Variants in FNDC3B observed in about 807,000 individuals in gnomAD.
The protein encoded by FNDC3B is fibronectin type III domain containing 3B, also known as fibronectin type III domain-containing protein 3B.
A neutral mutation model predicts 151.5 loss-of-function variants in FNDC3B; 12 were observed. That is an observed-to-expected ratio of 0.08 (90% CI 0.05 to 0.13). The LOEUF (loss-of-function observed/expected upper bound fraction) is 0.13, where lower values mean the gene tolerates loss of function less well. Among genes scored for constraint, FNDC3B ranks in the 10% least tolerant of loss-of-function variants. The probability of loss-of-function intolerance (pLI) is 1.00; values close to 1 mark genes in which losing one functional copy is unlikely to be tolerated. For synonymous variants in FNDC3B, 528 were observed against 549.0 expected, an observed-to-expected ratio of 0.96 and a Z score of 0.54; for missense variants, 1,214 against 1,505.3, an observed-to-expected ratio of 0.81 and a Z score of 3.20.
At chr3:172,318,264 G>A (rs1731910165) in intron 11 of FNDC3B, among the ~76,000 whole-genome samples, 1 of 152,208 alleles carries the variant, frequency 6.6e-6, no homozygotes, top group Admixed American at 6.5e-5. Context: ...CATGCCCCTG[G>A]GGAGCCATTA....
chr3:172,364,916 T>C (rs943950061), intron 23 of FNDC3B, among the ~76,000 whole-genome samples: 1 of 152,214 alleles, frequency 6.6e-6, no homozygotes, highest in Non-Finnish European at 1.5e-5. Flanking sequence ...TTGTCAGTGC[T>C]CTCAGAAAGT....
At chr3:172,386,099 T>C (rs1312156369) in intron 25 of FNDC3B, among the ~76,000 whole-genome samples, 2 of 152,230 alleles carry the variant, frequency 1.3e-5, no homozygotes, top group South Asian at 4.1e-4. Context: ...TTGGTTTGCC[T>C]TTTGCCATTT....
chr3:172,041,496 T>C (rs1212833155), intron 1 of FNDC3B, among the ~76,000 whole-genome samples: 1 of 151,432 alleles, frequency 6.6e-6, no homozygotes, highest in African/African-American at 2.4e-5. Flanking sequence ...TTCTTCTTTT[T>C]TTTTTTTTTA....
chr3:172,293,911 A>T (rs1235719988), intron 7 of FNDC3B, among the ~76,000 whole-genome samples: 1 of 152,186 alleles, frequency 6.6e-6, no homozygotes, highest in Non-Finnish European at 1.5e-5. Context: ...GGAAGAAGGA[A>T]AAAAAGGGAC....
Position 172,343,094 on chromosome 3 carries a change from C to A in FNDC3B, c.2055C>A (p.His685Gln). Residue 685 changes from histidine to glutamine, a missense_variant, in exon 18 of 26, where the codon CAC becomes CAA. By Grantham distance (24) the His-to-Gln change is conservative. This residue lies in a region of FNDC3B where 380 missense variants were observed against 420.9 expected (regional missense o/e 0.90). Transcript: ENST00000415807. Reference protein sequence around the residue: ...RPPRVLGRPKHKEVHLEWDVP... With the variant: ...RPPRVLGRPKQKEVHLEWDVP... Reference sequence around the variant, plus strand: ...CGAGGGTTTTGGGTAGACCAAAGCACAAAGAAGTCCACTTAGAGTGGGGTG... The same window carrying A: ...CGAGGGTTTTGGGTAGACCAAAGCAAAAAGAAGTCCACTTAGAGTGGGGTG... 1 of 1,603,828 alleles carries A rather than the reference C, an allele frequency of 6.2e-7. No homozygotes were observed. Among genetic ancestry groups the A allele is most frequent in the East Asian group, 2.2e-5 (1 of 44,850 alleles).
At chr3:172,131,155 G>A (rs1721074009) in intron 2 of FNDC3B, among the ~76,000 whole-genome samples, 1 of 152,162 alleles carries the variant, frequency 6.6e-6, no homozygotes, top group South Asian at 2.1e-4. Flanking sequence ...CCAGCACTTT[G>A]GGAGGCCGAG....
chr3:172,193,504 G>A (rs1576785056), intron 3 of FNDC3B, among the ~76,000 whole-genome samples: 1 of 150,640 alleles, frequency 6.6e-6, no homozygotes, highest in Admixed American at 6.6e-5. Context: ...GTTTTGGTGT[G>A]TAGCTCCTAA....
intron 22 of FNDC3B, among the ~76,000 whole-genome samples, chr3:172,361,125 G>A (rs1374540020): frequency 6.6e-6 from 1 of 152,070 alleles, no homozygotes; most frequent in East Asian, 1.9e-4. Flanking sequence ...TGTCTCCAAG[G>A]TTTGTGAAAT....
chr3:172,333,973 G>C (rs1029299261), intron 14 of FNDC3B, among the ~76,000 whole-genome samples: 5 of 150,094 alleles, frequency 3.3e-5, no homozygotes, highest in African/African-American at 1.2e-4. Context: ...AGCCAAAAAA[G>C]TGAATATGAC....
chr3:172,303,100 A>G (rs945560849), intron 9 of FNDC3B: 1 of 152,180 alleles, frequency 6.6e-6, no homozygotes, highest in African/African-American at 2.4e-5. Flanking sequence ...GTATACATAC[A>G]CAAATGTATG....
chr3:172,233,064 C>T (rs896149019), intron 4 of FNDC3B, among the ~76,000 whole-genome samples: 1 of 152,168 alleles, frequency 6.6e-6, no homozygotes, highest in Non-Finnish European at 1.5e-5. Context: ...TGTTTTTTAA[C>T]CTCACCATTA....
chr3:172,052,253 T>G (rs1716698553), intron 1 of FNDC3B, among the ~76,000 whole-genome samples: 1 of 151,508 alleles, frequency 6.6e-6, no homozygotes, highest in African/African-American at 2.4e-5. Context: ...TGGGTTTTTT[T>G]TTTTGGTAGA....
At chr3:172,226,828 T>C (rs772563816) in intron 3 of FNDC3B, 43 bp from the exon 4 acceptor site, 9 of 1,155,400 alleles carry the variant, frequency 7.8e-6, no homozygotes, top group Non-Finnish European at 1.1e-5. Context: ...TTTTGAATAA[T>C]GTATGTTTCT....
At chr3:172,108,054 G>T (rs1719749223) in intron 1 of FNDC3B, among the ~76,000 whole-genome samples, 1 of 152,092 alleles carries the variant, frequency 6.6e-6, no homozygotes, top group Admixed American at 6.5e-5. Context: ...TGTAGTCCCA[G>T]CTACTCGGGA....
intron 1 of FNDC3B, among the ~76,000 whole-genome samples, chr3:172,093,787 C>T (rs1332935916): frequency 2.6e-5 from 4 of 152,148 alleles, no homozygotes; most frequent in African/African-American, 4.8e-5. Flanking sequence ...TGGAGAATTT[C>T]GTGAGAATAC....
At chr3:172,393,150 C>T (rs1736103680) in intron 25 of FNDC3B, among the ~76,000 whole-genome samples, 1 of 151,918 alleles carries the variant, frequency 6.6e-6, no homozygotes, top group Admixed American at 6.6e-5. Flanking sequence ...CAAGAGTCAC[C>T]TCACTTTTAA....
intron 3 of FNDC3B, among the ~76,000 whole-genome samples, chr3:172,161,657 A>C (rs1269105843): frequency 6.6e-6 from 1 of 152,208 alleles, no homozygotes; most frequent in Admixed American, 6.5e-5. Context: ...TTGTGCCTTG[A>C]CTGTGGTAGT....
At chr3:172,353,283 G>A (rs1027048689) in intron 22 of FNDC3B, among the ~76,000 whole-genome samples, 200 bp downstream of exon 22, 3 of 152,170 alleles carry the variant, frequency 2.0e-5, no homozygotes, top group Admixed American at 6.5e-5. Flanking sequence ...TCACTGGACG[G>A]TTTTGTGTCC....
intron 6 of FNDC3B, among the ~76,000 whole-genome samples, chr3:172,255,348 A>C (rs1272072764): frequency 6.6e-6 from 1 of 152,100 alleles, no homozygotes; most frequent in African/African-American, 2.4e-5. Flanking sequence ...AGCTCACTGC[A>C]ACCTCTGCCT....
Sources: allele counts gnomAD v4.1 joint callset (sites outside exome capture counted in the v4.1 genomes callset), GRCh38; gene constraint gnomAD v4.1.1; regional missense constraint gnomAD v4.1.1; transcripts MANE v1.5; gene names NCBI Gene and HGNC (gene_info 2026-07-23, HGNC 2026-07-21).